Variants in EPHA8 observed in about 807,000 individuals in gnomAD.
EPHA8 encodes the protein ephrin type-A receptor 8.
EPHA8 carries 58 observed loss-of-function variants against 103.6 expected under a neutral mutation model. The ratio of observed to expected loss-of-function variants is 0.56; its 90% CI spans 0.45 to 0.70. EPHA8 has a LOEUF of 0.70. EPHA8 is among the 30% of genes least tolerant of loss of function. The probability of loss-of-function intolerance (pLI) is 0.00; values close to 1 mark genes in which losing one functional copy is unlikely to be tolerated. For missense variants in EPHA8, 1,304 were observed against 1,395.2 expected (o/e 0.93, Z 1.04); for synonymous variants, 559 against 572.5 (o/e 0.98, Z 0.34).
chr1:22,579,424 A>C (rs566356385), intron 3 of EPHA8, among the ~76,000 whole-genome samples: 12 of 150,964 alleles, frequency 7.9e-5, no homozygotes, highest in African/African-American at 2.9e-4. Context: ...GTATGTGTGC[A>C]TGTGTTTGCA....
intron 3 of EPHA8, among the ~76,000 whole-genome samples, chr1:22,577,831 C>T (rs939050918): frequency 5.0e-5 from 6 of 121,036 alleles, no homozygotes; most frequent in Admixed American, 2.4e-4. Flanking sequence ...TGCATGTGTG[C>T]GTGTGTGCAT....
chr1:22,593,343 G>A lies in EPHA8; in HGVS notation c.1333G>A (p.Val445Met). 1.3e-6 allele frequency: 2 copies of A among 1,575,118 alleles called. No individual in the cohort carries two copies. The highest frequency in any genetic ancestry group is 1.3e-5 in the African/African-American group (1 of 74,624). ...TNQAAPSQVV[V>M]IRQERAGQTS... ...CGCCCCAGCCCCGTCCCAGGTGGTGGTGATCCGTCAAGAGCGGGCGGGGCA... is the reference window on the plus strand; with the variant it reads ...CGCCCCAGCCCCGTCCCAGGTGGTGATGATCCGTCAAGAGCGGGCGGGGCA... Residue 445 changes from valine (V) to methionine (M), a missense_variant, in exon 6 of 17, where the codon GTG becomes ATG. Physicochemically the swap from Val to Met is conservative, Grantham distance 21. Coordinates refer to ENST00000166244, the MANE Select transcript of EPHA8 (RefSeq NM_020526.5).
Position 22,598,857 on chromosome 1 carries a change from C to A in EPHA8, c.2198C>A (p.Thr733Asn). The change falls in exon 13 of 17, where the codon ACC becomes AAC. Residue 733 changes from threonine (T) to asparagine (N), a missense_variant. By Grantham distance (65) the Thr-to-Asn change is moderately conservative. Transcript: ENST00000166244. The surrounding 1 kb of genome is among the most constrained non-coding windows in gnomAD (Gnocchi z 5.1). The stretch of plus-strand genomic sequence containing the variant: ...CTGCAGACCCACGACGGGCAGTTCA[C>A]CATCATGCAGCTGGTGGGCATGCTG... The part of the protein sequence containing the change: ...TFLRTHDGQF[T>N]IMQLVGMLRG... The A allele has an allele frequency of 6.2e-7, 1 of 1,612,750 alleles. No individual in the cohort carries two copies. Among genetic ancestry groups the A allele is most frequent in the Non-Finnish European group, 8.5e-7 (1 of 1,179,884 alleles).
At position 22,597,383 on chromosome 1, in the gene EPHA8, C is replaced by T. The variant is rs763353844; in HGVS notation, c.1837C>T (p.Pro613Ser). Reference sequence around the variant, plus strand: ...CCCAGAGCCCCAGTTCTATGCGGAACCCCACACCTACGAGGAGCCAGGCCG... The same window carrying T: ...CCCAGAGCCCCAGTTCTATGCGGAATCCCACACCTACGAGGAGCCAGGCCG... The part of the protein sequence containing the change: ...KLPEPQFYAE[P>S]HTYEEPGRAG... The change falls in exon 10 of 17, where the codon CCC (proline) becomes TCC (serine). Residue 613 changes from proline to serine, a missense_variant. Coordinates refer to ENST00000166244, the MANE Select transcript of EPHA8 (RefSeq NM_020526.5). This position sits in a 1 kb window ranked among gnomAD's most constrained non-coding sequence, Gnocchi z 4.6. 3.1e-6 allele frequency: 5 copies of T among 1,613,378 alleles called. No individual in the cohort carries two copies. The highest frequency in any genetic ancestry group is 2.2e-5 in the South Asian group (2 of 91,088).
At chr1:22,575,854 G>A (rs142900930) in intron 2 of EPHA8, among the ~76,000 whole-genome samples, 27 of 152,236 alleles carry the variant, frequency 1.8e-4, no homozygotes, top group African/African-American at 4.8e-4. Context: ...GACTTCCCCA[G>A]GCAAGTTCTC....
In EPHA8 at chr1:22,597,798, G is replaced by T. The variant is rs1360246232; in HGVS notation, c.2053G>T (p.Ala685Ser). 6 of 1,613,030 alleles carry T rather than the reference G, an allele frequency of 3.7e-6. No homozygotes were observed. The Admixed American group carries it at 1.0e-4, about 27-fold the overall frequency. Residue 685 changes from alanine (A) to serine (S), a missense_variant, in exon 11 of 17, where the codon GCG (alanine) becomes TCG (serine). Transcript: ENST00000166244. This position sits in a 1 kb window ranked among gnomAD's most constrained non-coding sequence, Gnocchi z 4.6. ...ERQRRDFLSE[A>S]SIMGQFDHPN... The stretch of plus-strand genomic sequence containing the variant: ...ACAGAGGCGGGACTTCCTGAGCGAG[G>T]CGTCCATCATGGGGCAATTCGACCA...
intron 4 of EPHA8, among the ~76,000 whole-genome samples, chr1:22,588,344 A>T (rs1399135904): frequency 6.6e-6 from 1 of 151,962 alleles, no homozygotes; most frequent in Non-Finnish European, 1.5e-5. Context: ...GCCCAGACAG[A>T]GGCTCCCATG....
In EPHA8 at chr1:22,567,851, C is replaced by A. The variant is rs1172813870; in HGVS notation, c.95-1438C>A. Among the ~76,000 whole-genome samples, 1 of 152,110 alleles carries A rather than the reference C, an allele frequency of 6.6e-6. No homozygotes were observed. On this transcript the variant is annotated intron_variant, in intron 1 of 16. Transcript: ENST00000166244. This position sits in a 1 kb window ranked among gnomAD's most constrained non-coding sequence, Gnocchi z 4.2. ...GTGGTTAAAAGCCCATGGCTGTTGGCTGGGAGAAGGGGTCATGGAAGGCAG... is the reference window on the plus strand; with the variant it reads ...GTGGTTAAAAGCCCATGGCTGTTGGATGGGAGAAGGGGTCATGGAAGGCAG...
chr1:22,567,935 A>G lies in EPHA8; in HGVS notation c.95-1354A>G, dbSNP rs1640415864. The stretch of plus-strand genomic sequence containing the variant: ...AAAGCCCTCTCATACAGCAATCACC[A>G]GCTAGATCAAAAGGAAGCAAAGAGG... On this transcript the variant is annotated intron_variant, in intron 1 of 16. Coordinates refer to ENST00000166244, the MANE Select transcript of EPHA8 (RefSeq NM_020526.5). The surrounding 1 kb of genome is among the most constrained non-coding windows in gnomAD (Gnocchi z 4.2). Among the ~76,000 whole-genome samples the G allele has an allele frequency of 6.6e-6, 1 of 152,216 alleles. No homozygotes were observed. Among genetic ancestry groups the G allele is most frequent in the Non-Finnish European group, 1.5e-5 (1 of 68,036 alleles).
intron 4 of EPHA8, among the ~76,000 whole-genome samples, chr1:22,587,537 T>C (rs550181862): frequency 5.3e-4 from 81 of 152,326 alleles, no homozygotes; most frequent in Non-Finnish European, 9.9e-4. Context: ...TCCTACCTTC[T>C]GCTGATGCAG....
Position 22,601,769 on chromosome 1 carries a change from A to AGCAGGGC in EPHA8, c.*28_*29insGCAGGGC, listed in dbSNP as rs763847793. The AGCAGGGC allele has an allele frequency of 6.5e-7, 1 of 1,544,110 alleles. No homozygotes were observed. Among genetic ancestry groups the AGCAGGGC allele is most frequent in the African/African-American group, 1.4e-5 (1 of 72,978 alleles). On this transcript the variant is annotated 3_prime_UTR_variant, in exon 17 of 17. Transcript: ENST00000166244. ...TACAGCCAGCAGGGCCCAGGCAGCC[A>AGCAGGGC]CCAAGCCCACCCCAGGTCATGCCAG...
chr1:22,588,738 T>A, intron 4 of EPHA8, 133 bp from the exon 5 acceptor site: 1 of 1,467,426 alleles, frequency 6.8e-7, no homozygotes, highest in Non-Finnish European at 9.0e-7. Flanking sequence ...ATGGAGTAGA[T>A]GTGGACCTTA....
intron 3 of EPHA8, among the ~76,000 whole-genome samples, chr1:22,578,546 CGT>C (rs1014679665): frequency 4.2e-5 from 5 of 117,950 alleles, no homozygotes; most frequent in African/African-American, 6.4e-5. Context: ...TGCATGTGTG[CGT>C]GAGTGTGCAC....
Position 22,576,442 on chromosome 1 carries a change from T to C in EPHA8, c.385T>C (p.Ser129Pro). Residue 129 changes from serine to proline, a missense_variant, in exon 3 of 17, where the codon TCG (serine) becomes CCG (proline). Transcript: ENST00000166244. The surrounding 1 kb of genome is among the most constrained non-coding windows in gnomAD (Gnocchi z 4.8). Reference sequence around the variant, plus strand: ...GACCTTCAACCTCTACTACCTGGAGTCGGACCGCGACCTGGGGGCCAGCAC... The same window carrying C: ...GACCTTCAACCTCTACTACCTGGAGCCGGACCGCGACCTGGGGGCCAGCAC... Reference protein sequence around the residue: ...KETFNLYYLESDRDLGASTQE... With the variant: ...KETFNLYYLEPDRDLGASTQE... 2 of 1,613,764 alleles carry C rather than the reference T, an allele frequency of 1.2e-6. No homozygotes were observed. Among genetic ancestry groups the C allele is most frequent in the Non-Finnish European group, 1.7e-6 (2 of 1,179,996 alleles).
Position 22,576,328 on chromosome 1 carries a change from C to T in EPHA8, c.271C>T (p.Arg91Ter), listed in dbSNP as rs753322537. Residue 91 changes from arginine to a stop codon, truncating the protein, a stop_gained, in exon 3 of 17, where the codon CGA becomes TGA. Coordinates refer to ENST00000166244, the MANE Select transcript of EPHA8 (RefSeq NM_020526.5). LOFTEE classifies it high-confidence loss of function. This position sits in a 1 kb window ranked among gnomAD's most constrained non-coding sequence, Gnocchi z 4.8. ...NNWLRTSWVPRDGARRVYAEI... is the reference protein window; with the variant it reads ...NNWLRTSWVP ...CTGGCTGCGCACGAGCTGGGTCCCC[C>T]GAGACGGCGCCCGGCGCGTCTATGC... The T allele has an allele frequency of 2.5e-6, 4 of 1,613,832 alleles. No homozygotes were observed. Among genetic ancestry groups the T allele is most frequent in the East Asian group, 2.2e-5 (1 of 44,874 alleles).
At position 22,576,231 on chromosome 1, in the gene EPHA8, C is replaced by T. The variant is rs200531740; in HGVS notation, c.174C>T (p.Asn58=). The T allele has an allele frequency of 2.4e-5, 38 of 1,608,662 alleles. No homozygotes were observed. Among genetic ancestry groups the T allele is most frequent in the African/African-American group, 1.2e-4 (9 of 74,952 alleles). ...TCTGCCCACAGTGGGACTCCATCAA[C>T]GAGGTGGACGAGTCCTTCCAGCCCA... The part of the protein sequence containing the change: ...TYPAHGWDSI[N]EVDESFQPIH... The change falls in exon 3 of 17, where the codon AAC becomes AAT. Residue 58 remains asparagine (N), a synonymous_variant. Transcript: ENST00000166244. The surrounding 1 kb of genome is among the most constrained non-coding windows in gnomAD (Gnocchi z 4.8).
chr1:22,568,223 G>A (rs1640421782), intron 1 of EPHA8, among the ~76,000 whole-genome samples: 1 of 152,106 alleles, frequency 6.6e-6, no homozygotes, highest in African/African-American at 2.4e-5. Flanking sequence ...AAAATTGAGG[G>A]TCACTCGCTA....
Position 22,600,834 on chromosome 1 carries a change from C to A in EPHA8, c.2538+24C>A, listed in dbSNP as rs542929064. The stretch of plus-strand genomic sequence containing the variant: ...ATGTGAGTGCCAAGCCCTGGCAGGT[C>A]CGCGGGCGGTGGAGCCTCAGGGTGC... On this transcript the variant is annotated intron_variant, in intron 14 of 16. Transcript: ENST00000166244. 5 of 1,591,284 alleles carry A rather than the reference C, an allele frequency of 3.1e-6. No homozygotes were observed. The East Asian group carries it at 1.1e-4, about 36-fold the overall frequency.
Position 22,597,693 on chromosome 1 carries a change from T to G in EPHA8, c.1948T>G (p.Cys650Gly), listed in dbSNP as rs757343485. 5.6e-6 allele frequency: 9 copies of G among 1,610,544 alleles called. No individual in the cohort carries two copies. The highest frequency in any genetic ancestry group is 1.7e-4 in the Middle Eastern group (1 of 6,044). ...GCCTGCAGGAGACTCCGGGGAAGTC[T>G]GCTACGGGAGGCTGCGGGTGCCAGG... ...IIGSGDSGEV[C>G]YGRLRVPGQR... Residue 650 changes from cysteine to glycine, a missense_variant, in exon 11 of 17, where the codon TGC (cysteine) becomes GGC (glycine). Transcript: ENST00000166244. This position sits in a 1 kb window ranked among gnomAD's most constrained non-coding sequence, Gnocchi z 4.6.
Sources: allele counts gnomAD v4.1 joint callset (sites outside exome capture counted in the v4.1 genomes callset), GRCh38; gene constraint gnomAD v4.1.1; non-coding constraint Gnocchi (gnomAD v3.1); transcripts MANE v1.5; gene names NCBI Gene and HGNC (gene_info 2026-07-23, HGNC 2026-07-21).